The following TNPO1 variants were observed in gnomAD, a reference collection of about 807,000 sequenced individuals.
TNPO1 encodes the protein transportin-1.
Under a neutral mutation model 119.5 loss-of-function variants are expected in TNPO1, and 8 were observed. The observed-to-expected ratio is 0.07, with a 90% CI of 0.04 to 0.12. TNPO1 has a LOEUF of 0.12. Ranked by LOEUF, TNPO1 falls within the 10% of genes least tolerant of loss-of-function variation. The pLI, the probability that TNPO1 is intolerant of heterozygous loss-of-function variation, is 1.00. For synonymous variants in TNPO1, 362 were observed against 363.0 expected, an observed-to-expected ratio of 1.00 and a Z score of 0.03; for missense variants, 576 against 1,089.8, an observed-to-expected ratio of 0.53 and a Z score of 6.64.
chr5:72,848,330 G>A (rs914617781), intron 1 of TNPO1, 55 bp from the exon 2 acceptor site: 84 of 1,542,596 alleles, frequency 5.4e-5, no homozygotes, highest in Non-Finnish European at 6.9e-5. Flanking sequence ...CTCTGGGCCT[G>A]TGCACCGGGA....
chr5:72,875,491 A>G, intron 7 of TNPO1, 124 bp from the exon 8 acceptor site: 1 of 843,272 alleles, frequency 1.2e-6, no homozygotes. Flanking sequence ...CTAATATTGT[A>G]GGCCAATTCA....
At chr5:72,840,346 A>G (rs1239629627) in intron 1 of TNPO1, among the ~76,000 whole-genome samples, 1 of 152,116 alleles carries the variant, frequency 6.6e-6, no homozygotes, top group East Asian at 1.9e-4. Context: ...GGAGATAATT[A>G]TAGTACATAT....
chr5:72,872,617 A>C (rs375204014), intron 6 of TNPO1, 22 bp from the exon 7 acceptor site: 82 of 1,566,150 alleles, frequency 5.2e-5, no homozygotes, highest in Non-Finnish European at 6.6e-5. Flanking sequence ...AGCATATGTT[A>C]AATTTTAAAC....
intron 22 of TNPO1, 110 bp from the exon 23 acceptor site, chr5:72,903,599 C>T: frequency 8.6e-6 from 6 of 697,502 alleles, no homozygotes; most frequent in East Asian, 2.7e-5. Context: ...TAAATGTTTC[C>T]TTTTTTAAGC....
chr5:72,840,792 T>G (rs1055263986), intron 1 of TNPO1, among the ~76,000 whole-genome samples: 9 of 152,376 alleles, frequency 5.9e-5, no homozygotes, highest in African/African-American at 2.2e-4. Context: ...AAGCATACAT[T>G]TATTCAAACT....
At chr5:72,857,117 C>T (rs569886535) in intron 4 of TNPO1, among the ~76,000 whole-genome samples, 9 of 152,030 alleles carry the variant, frequency 5.9e-5, no homozygotes, top group African/African-American at 1.7e-4. Flanking sequence ...GTCAGGAGTT[C>T]GAGACCAGCC....
At chr5:72,897,936 C>T (rs1427516399) in intron 20 of TNPO1, among the ~76,000 whole-genome samples, 1 of 151,910 alleles carries the variant, frequency 6.6e-6, no homozygotes, top group African/African-American at 2.4e-5. Flanking sequence ...TTTTCAAAGG[C>T]ATTTTTATTT....
chr5:72,868,042 G>A (rs1029466296), intron 6 of TNPO1, among the ~76,000 whole-genome samples: 7 of 152,064 alleles, frequency 4.6e-5, no homozygotes, highest in Non-Finnish European at 1.0e-4. Context: ...TGATTTACAG[G>A]AATTCTCATC....
chr5:72,887,228 C>T lies in TNPO1; in HGVS notation c.1303+6C>T, dbSNP rs1561346843. ...TTTAGGAGCAATTGCTGAAGGTAAG[C>T]CTAAGTCCAGTTTGAATTATGTAAG... On this transcript the variant is annotated splice_donor_region_variant and intron_variant, in intron 12 of 24. Coordinates refer to ENST00000337273, the MANE Select transcript of TNPO1 (RefSeq NM_002270.4). 1 of 1,608,264 alleles carries T rather than the reference C, an allele frequency of 6.2e-7. No individual in the cohort carries two copies. Among genetic ancestry groups the T allele is most frequent in the South Asian group, 1.1e-5 (1 of 90,504 alleles).
At chr5:72,865,874 G>C in intron 6 of TNPO1, 145 bp downstream of exon 6, 1 of 870,118 alleles carries the variant, frequency 1.1e-6, no homozygotes, top group Non-Finnish European at 1.7e-6. Flanking sequence ...AATTGAAATT[G>C]ACTACTTCAG....
intron 1 of TNPO1, among the ~76,000 whole-genome samples, chr5:72,830,361 T>C (rs541529185): frequency 2.0e-5 from 3 of 152,314 alleles, no homozygotes; most frequent in Non-Finnish European, 2.9e-5. Context: ...ATTCTGATTC[T>C]GGGAAATACA....
intron 6 of TNPO1, among the ~76,000 whole-genome samples, chr5:72,868,730 T>G (rs1041244719): frequency 6.6e-6 from 1 of 151,936 alleles, no homozygotes; most frequent in Non-Finnish European, 1.5e-5. Flanking sequence ...GTTTGAGGCT[T>G]TTTTCTTTTT....
chr5:72,900,184 CT>C, intron 21 of TNPO1, 103 bp downstream of exon 21: 2 of 1,046,490 alleles, frequency 1.9e-6, no homozygotes, highest in East Asian at 2.5e-5. Context: ...AATCACAATC[CT>C]TTATCATTGC....
At chr5:72,825,368 C>T (rs1744157052) in intron 1 of TNPO1, among the ~76,000 whole-genome samples, 1 of 152,082 alleles carries the variant, frequency 6.6e-6, no homozygotes, top group South Asian at 2.1e-4. Flanking sequence ...GGAGTGGAGT[C>T]CTCATGAATA....
chr5:72,879,720 G>A (rs1296730901), intron 9 of TNPO1, among the ~76,000 whole-genome samples: 4 of 152,194 alleles, frequency 2.6e-5, no homozygotes, highest in Non-Finnish European at 5.9e-5. Flanking sequence ...GTATTGACAG[G>A]ATAGCAGAAT....
chr5:72,899,830 A>G (rs1749690073), intron 20 of TNPO1, among the ~76,000 whole-genome samples, 176 bp from the exon 21 acceptor site: 1 of 151,748 alleles, frequency 6.6e-6, no homozygotes, highest in African/African-American at 2.4e-5. Flanking sequence ...CCCTTATTTT[A>G]GGGGGTGGTA....
intron 24 of TNPO1, among the ~76,000 whole-genome samples, chr5:72,907,189 A>G (rs564940936): frequency 2.0e-5 from 3 of 152,280 alleles, no homozygotes; most frequent in African/African-American, 7.2e-5. Flanking sequence ...CATTTTGGAA[A>G]AGTGCTGGAT....
Position 72,913,522 on chromosome 5 carries a change from A to G in TNPO1, c.*4849A>G, listed in dbSNP as rs1750696444. 6.6e-6 allele frequency: 1 copy of G among 152,482 alleles called. No individual in the cohort carries two copies. The highest frequency in any genetic ancestry group is 1.5e-5 in the Non-Finnish European group (1 of 67,922). The allele number at this position is 152,482 out of a possible 1,614,324, so 9.4% of individuals were successfully genotyped here. A position where few individuals can be genotyped will look rare whatever the true frequency, so the allele number is the denominator to read the frequency against. On this transcript the variant is annotated 3_prime_UTR_variant, in exon 25 of 25. Coordinates refer to ENST00000337273, the MANE Select transcript of TNPO1 (RefSeq NM_002270.4). ...GGTGATTTTTTTTCACCTCTTGTAC[A>G]TTTTAAAACCAGGCCAAATCTATTT...
At chr5:72,893,731 A>G in intron 18 of TNPO1, 28 bp downstream of exon 18, 2 of 1,590,724 alleles carry the variant, frequency 1.3e-6, no homozygotes, top group Non-Finnish European at 1.7e-6. Context: ...TGCTATGAAT[A>G]TGGTTTTTTA....
Sources: allele counts gnomAD v4.1 joint callset (sites outside exome capture counted in the v4.1 genomes callset), GRCh38; gene constraint gnomAD v4.1.1; transcripts MANE v1.5; gene names NCBI Gene and HGNC (gene_info 2026-07-23, HGNC 2026-07-21).